Variants in MAPKAPK2 observed in about 807,000 individuals in gnomAD.
The protein encoded by MAPKAPK2 is MAPK activated protein kinase 2.
MAPKAPK2 carries 9 observed loss-of-function variants against 48.8 expected under a neutral mutation model. The observed-to-expected ratio is 0.18, with a 90% CI of 0.11 to 0.32. The LOEUF is 0.32. MAPKAPK2 is among the 10% of genes least tolerant of loss of function. MAPKAPK2 has a pLI of 1.00. For missense variants in MAPKAPK2, 331 were observed against 498.3 expected, an observed-to-expected ratio of 0.66 and a Z score of 3.20; for synonymous variants, 202 against 190.6, an observed-to-expected ratio of 1.06 and a Z score of -0.49.
chr1:206,706,460 A>G (rs1458591942), intron 1 of MAPKAPK2, among the ~76,000 whole-genome samples: 3 of 152,158 alleles, frequency 2.0e-5, no homozygotes, highest in Non-Finnish European at 4.4e-5. Context: ...AATCGGGAGT[A>G]TTAGCTGCAG....
Position 206,732,442 on chromosome 1 carries a change from T to C in MAPKAPK2, c.1060-133T>C, listed in dbSNP as rs1010003670. 3.1e-5 allele frequency: 46 copies of C among 1,487,182 alleles called. No individual in the cohort carries two copies. The Admixed American group carries it at 6.0e-4, about 19-fold the overall frequency. The allele number at this position is 1,487,182 out of a possible 1,614,324, so 92.1% of individuals were successfully genotyped here. ...GCGTGGACCACTAACCAGCCCGTCTTCTCTCTCTGCTCCCACCCCTGCCGC... is the reference window on the plus strand; with the variant it reads ...GCGTGGACCACTAACCAGCCCGTCTCCTCTCTCTGCTCCCACCCCTGCCGC... On this transcript the variant is annotated intron_variant, in intron 9 of 9. Coordinates refer to ENST00000367103, the MANE Select transcript of MAPKAPK2 (RefSeq NM_032960.4). The surrounding 1 kb of genome is among the most constrained non-coding windows in gnomAD (Gnocchi z 4.4).
intron 3 of MAPKAPK2, 73 bp from the exon 4 acceptor site, chr1:206,729,323 G>A (rs1472213574): frequency 2.3e-6 from 3 of 1,318,292 alleles, no homozygotes; most frequent in South Asian, 1.2e-5. Flanking sequence ...GGGACCCGGT[G>A]CACTGGGTTT....
At chr1:206,728,615 T>G (rs1673786979) in intron 1 of MAPKAPK2, 95 bp from the exon 2 acceptor site, 14 of 1,392,274 alleles carry the variant, frequency 1.0e-5, no homozygotes, top group African/African-American at 1.4e-5. Context: ...GGGGGGTTTG[T>G]GGTATGTCGG....
At chr1:206,721,713 A>C (rs981187128) in intron 1 of MAPKAPK2, among the ~76,000 whole-genome samples, 1 of 152,218 alleles carries the variant, frequency 6.6e-6, no homozygotes, top group Non-Finnish European at 1.5e-5. Context: ...TCTCATTTAT[A>C]AAATAGGATG....
At chr1:206,693,630 G>T (rs1403876037) in intron 1 of MAPKAPK2, among the ~76,000 whole-genome samples, 4 of 152,182 alleles carry the variant, frequency 2.6e-5, no homozygotes, top group African/African-American at 9.7e-5. Context: ...CTTTGCCAGA[G>T]TTACCTGGTT....
intron 1 of MAPKAPK2, among the ~76,000 whole-genome samples, chr1:206,712,962 TCACACACACA>T (rs58379967): frequency 3.4e-4 from 38 of 112,306 alleles, no homozygotes; most frequent in African/African-American, 3.9e-4. Context: ...TGAGACTCCA[TCACACACACA>T]CACACACACA....
intron 1 of MAPKAPK2, among the ~76,000 whole-genome samples, chr1:206,721,446 G>C (rs1305801518): frequency 6.6e-6 from 1 of 152,204 alleles, no homozygotes; most frequent in African/African-American, 2.4e-5. Flanking sequence ...TTTTCTTAAA[G>C]ATACGTCTAT....
At chr1:206,718,438 A>G (rs1037266745) in intron 1 of MAPKAPK2, among the ~76,000 whole-genome samples, 8 of 151,246 alleles carry the variant, frequency 5.3e-5, no homozygotes, top group Admixed American at 3.3e-4. Flanking sequence ...AGGCTGAGGC[A>G]GGAGAATGAC....
intron 3 of MAPKAPK2, 52 bp downstream of exon 3, chr1:206,729,151 T>C: frequency 6.3e-7 from 1 of 1,577,190 alleles, no homozygotes; most frequent in Non-Finnish European, 8.7e-7. Flanking sequence ...GCAGTGGGGG[T>C]CTGAAGGGGG....
At chr1:206,697,782 T>C (rs1454687263) in intron 1 of MAPKAPK2, among the ~76,000 whole-genome samples, 9 of 152,254 alleles carry the variant, frequency 5.9e-5, no homozygotes, top group African/African-American at 2.2e-4. Context: ...TTGAACCTCA[T>C]GGGGCTGCTT....
intron 1 of MAPKAPK2, among the ~76,000 whole-genome samples, chr1:206,687,206 C>T (rs1231646784): frequency 2.6e-5 from 4 of 152,210 alleles, no homozygotes; most frequent in Non-Finnish European, 5.9e-5. Flanking sequence ...TATGTAAAGA[C>T]TTCAGAACAA....
intron 1 of MAPKAPK2, among the ~76,000 whole-genome samples, chr1:206,707,522 A>T (rs1673001514): frequency 6.6e-6 from 1 of 152,098 alleles, no homozygotes; most frequent in Admixed American, 6.5e-5. Flanking sequence ...GGATCCCAGC[A>T]CTTTTCTGGG....
At position 206,714,286 on chromosome 1, in the gene MAPKAPK2, C is replaced by T. The variant is rs12124099; in HGVS notation, c.280-14424C>T. Among the ~76,000 whole-genome samples the T allele has an allele frequency of 7.7e-3, 1,169 of 152,274 alleles. 7 individuals are homozygous for T. The highest frequency in any genetic ancestry group is 0.011 in the Non-Finnish European group (733 of 68,022). ...ACTTCATAGAGGTCCAGACCCCTTG[C>T]GTCTGGCATTCCTTTGGTCTATAAT... On this transcript the variant is annotated intron_variant, in intron 1 of 9. Transcript: ENST00000367103.
intron 1 of MAPKAPK2, among the ~76,000 whole-genome samples, chr1:206,693,034 C>T (rs560223959): frequency 1.3e-5 from 2 of 152,196 alleles, no homozygotes; most frequent in African/African-American, 2.4e-5. Flanking sequence ...TACTGACTGT[C>T]CCCCTGCCGA....
intron 1 of MAPKAPK2, among the ~76,000 whole-genome samples, chr1:206,722,090 G>T (rs1673538619): frequency 6.6e-6 from 1 of 151,276 alleles, no homozygotes; most frequent in Admixed American, 6.6e-5. Flanking sequence ...GCCAGGCACG[G>T]TGGCTCATGC....
chr1:206,691,281 A>G (rs1412962177), intron 1 of MAPKAPK2, among the ~76,000 whole-genome samples: 2 of 151,712 alleles, frequency 1.3e-5, no homozygotes, highest in East Asian at 3.9e-4. Flanking sequence ...AAGACTGTAG[A>G]CCTGGTGGAG....
chr1:206,730,589 A>G, intron 5 of MAPKAPK2, 99 bp from the exon 6 acceptor site: 1 of 1,028,890 alleles, frequency 9.7e-7, no homozygotes, highest in Non-Finnish European at 1.5e-6. Context: ...ACCTCATGAT[A>G]GGCTGAAAGG....
intron 4 of MAPKAPK2, 60 bp downstream of exon 4, chr1:206,729,535 C>G (rs781923566): frequency 6.9e-6 from 10 of 1,440,108 alleles, no homozygotes; most frequent in Non-Finnish European, 9.8e-6. Flanking sequence ...GGGGCTGTGG[C>G]CACCCCAGAG....
chr1:206,728,437 C>T (rs1405089891), intron 1 of MAPKAPK2, among the ~76,000 whole-genome samples: 7 of 152,294 alleles, frequency 4.6e-5, no homozygotes, highest in African/African-American at 1.7e-4. Context: ...ACTTTATGGC[C>T]TAAGCTGGAG....
Sources: gnomAD v4.1 joint callset for allele counts (sites outside exome capture counted in the v4.1 genomes callset) on GRCh38, gnomAD v4.1.1 for gene constraint, Gnocchi (gnomAD v3.1) non-coding constraint, MANE v1.5 for transcripts, NCBI Gene and HGNC (gene_info 2026-07-23, HGNC 2026-07-21) for gene names.